IDI2: variants seen among roughly 807,000 people sequenced by gnomAD.
IDI2 encodes the protein isopentenyl-diphosphate delta isomerase 2.
Under a neutral mutation model 14.8 loss-of-function variants are expected in IDI2, and 18 were observed. That is an observed-to-expected ratio of 1.22 (90% confidence interval 0.84 to 1.80). IDI2 has a LOEUF of 1.80. Ranked by LOEUF, IDI2 falls within the 40% of genes most tolerant of loss-of-function variation. The pLI, the probability that IDI2 is intolerant of heterozygous loss-of-function variation, is 0.00. For missense variants in IDI2, 316 were observed against 283.2 expected, an observed-to-expected ratio of 1.12 and a Z score of -0.83; for synonymous variants, 133 against 109.6, an observed-to-expected ratio of 1.21 and a Z score of -1.33.
rs140153834 is a variant in IDI2, at chr10:1,018,939, G to C, written c.*578C>G. ...AAAGCAAGTATGTCTTTATTTGTAA[G>C]CATATTACTGAAACGATCAAATGAA... On this transcript the variant is annotated 3_prime_UTR_variant, in exon 5 of 5. Coordinates refer to ENST00000277517, the MANE Select transcript of IDI2 (RefSeq NM_033261.3). The C allele has an allele frequency of 2.6e-5, 4 of 152,556 alleles. No individual in the cohort carries two copies. Among genetic ancestry groups the C allele is most frequent in the Non-Finnish European group, 5.9e-5 (4 of 68,304 alleles). 9.5% of individuals were successfully genotyped at this position (152,556 alleles called of 1,614,324 possible).
intron 3 of IDI2, among the ~76,000 whole-genome samples, chr10:1,022,126 G>T (rs901467337): frequency 1.3e-5 from 2 of 152,120 alleles, no homozygotes; most frequent in African/African-American, 4.8e-5. Flanking sequence ...GGGTGTGGTG[G>T]CGGGCGCCTG....
At chr10:1,020,537 C>T (rs1832073606) in intron 4 of IDI2, among the ~76,000 whole-genome samples, 1 of 152,154 alleles carries the variant, frequency 6.6e-6, no homozygotes, top group South Asian at 2.1e-4. Context: ...ACAGTCTCAA[C>T]CCTGCCTGGG....
rs760312067 is a variant in IDI2, at chr10:1,019,485, A to C, written c.*32T>G. 6.4e-7 allele frequency: 1 copy of C among 1,573,096 alleles called. No homozygotes were observed. Among genetic ancestry groups the C allele is most frequent in the Non-Finnish European group, 8.7e-7 (1 of 1,153,808 alleles). ...TGGTGCGTCTGCCTGCACTGAGGGC[A>C]TTACACATGGCTGACTCGACCTCCC... On this transcript the variant is annotated 3_prime_UTR_variant, in exon 5 of 5. Coordinates refer to ENST00000277517, the MANE Select transcript of IDI2 (RefSeq NM_033261.3).
chr10:1,020,131 G>A (rs1054687556), intron 4 of IDI2, among the ~76,000 whole-genome samples: 5 of 152,176 alleles, frequency 3.3e-5, no homozygotes, highest in Non-Finnish European at 7.3e-5. Flanking sequence ...GCGTTGTCAG[G>A]AGAACATCCA....
intron 4 of IDI2, 116 bp from the exon 5 acceptor site, chr10:1,019,950 A>G (rs1033557129): frequency 8.3e-6 from 7 of 844,580 alleles, no homozygotes; most frequent in Non-Finnish European, 1.3e-5. Context: ...TTTCTTTGGT[A>G]ATTGATAATT....
intron 3 of IDI2, among the ~76,000 whole-genome samples, chr10:1,021,105 C>T (rs1482860475): frequency 6.6e-6 from 1 of 152,226 alleles, no homozygotes; most frequent in Non-Finnish European, 1.5e-5. Context: ...CACATGACCA[C>T]CTGGCGGGGC....
At chr10:1,021,837 C>T (rs544057235) in intron 3 of IDI2, among the ~76,000 whole-genome samples, 6 of 152,310 alleles carry the variant, frequency 3.9e-5, no homozygotes, top group African/African-American at 9.6e-5. Context: ...GAGAAAACCT[C>T]GGCCACAGCT....
intron 3 of IDI2, among the ~76,000 whole-genome samples, chr10:1,021,915 A>C (rs1832110215): frequency 6.6e-6 from 1 of 152,226 alleles, no homozygotes; most frequent in African/African-American, 2.4e-5. Flanking sequence ...AGGACAGCCT[A>C]GGCCAAAACA....
chr10:1,025,347 C>T (rs983603654), intron 1 of IDI2, among the ~76,000 whole-genome samples: 5 of 152,094 alleles, frequency 3.3e-5, no homozygotes, highest in African/African-American at 1.2e-4. Flanking sequence ...TGAGACCAGC[C>T]TGGCCAACAT....
intron 2 of IDI2, among the ~76,000 whole-genome samples, chr10:1,023,299 C>A (rs1267982777): frequency 2.0e-5 from 3 of 152,002 alleles, no homozygotes; most frequent in Admixed American, 2.0e-4. Flanking sequence ...CATGGTGAAA[C>A]CCCGTCTCTA....
intron 4 of IDI2, 127 bp from the exon 5 acceptor site, chr10:1,019,961 T>A (rs991964587): frequency 7.7e-6 from 6 of 774,386 alleles, no homozygotes; most frequent in South Asian, 1.8e-5. Context: ...ATTGATAATT[T>A]CCAAAACCTC....
chr10:1,025,563 T>G (rs1049117310), intron 1 of IDI2, among the ~76,000 whole-genome samples: 5 of 151,808 alleles, frequency 3.3e-5, no homozygotes, highest in African/African-American at 1.2e-4. Flanking sequence ...AAAAAAATGT[T>G]TTCAGGGTCA....
rs201066206 is a variant in IDI2, at chr10:1,021,715, G to T, written c.236-818C>A. On this transcript the variant is annotated intron_variant, in intron 3 of 4. Transcript: ENST00000277517. ...CCTGAATTTTTCTGAAACAAACTTT[G>T]CATTCAGCTCCATCAAGGAGCCCGT... 2.8e-4 allele frequency among the ~76,000 whole-genome samples: 42 copies of T among 152,302 alleles called. No homozygotes were observed. The East Asian group carries it at 8.1e-3, about 29-fold the overall frequency.
At position 1,019,844 on chromosome 10, in the gene IDI2, GA is replaced by G; in HGVS notation, c.367-11del. 6.2e-7 allele frequency: 1 copy of G among 1,600,916 alleles called. No homozygotes were observed. The highest frequency in any genetic ancestry group is 2.2e-5 in the East Asian group (1 of 44,798). On this transcript the variant is annotated splice_polypyrimidine_tract_variant and intron_variant, in intron 4 of 4. Transcript: ENST00000277517. Reference sequence around the variant, plus strand: ...TGTCCTCTGGAGAAATCTATTGACAGAAATTGGTGCAGTGTTAACAACGCTA... The same window carrying G: ...TGTCCTCTGGAGAAATCTATTGACAGAATTGGTGCAGTGTTAACAACGCTA...
chr10:1,021,936 C>T (rs1192121234), intron 3 of IDI2, among the ~76,000 whole-genome samples: 1 of 152,164 alleles, frequency 6.6e-6, no homozygotes, highest in Non-Finnish European at 1.5e-5. Context: ...CTTTAAATGA[C>T]CACAATTGAC....
chr10:1,021,973 T>G (rs888690016), intron 3 of IDI2, among the ~76,000 whole-genome samples: 3 of 152,082 alleles, frequency 2.0e-5, no homozygotes, highest in Admixed American at 1.3e-4. Flanking sequence ...TCTAAAAAAT[T>G]TTTTGGCCGG....
At position 1,019,756 on chromosome 10, in the gene IDI2, T is replaced by G. The variant is rs750878157; in HGVS notation, c.445A>C (p.Ile149Leu). The G allele has an allele frequency of 6.2e-7, 1 of 1,613,882 alleles. No homozygotes were observed. The highest frequency in any genetic ancestry group is 2.2e-5 in the East Asian group (1 of 44,864). Reference sequence around the variant, plus strand: ...TTCCTCACAAGCAGAAGGTAACAAATTTCATGCTCTCCCCAAATTCTGTCT... The same window carrying G: ...TTCCTCACAAGCAGAAGGTAACAAAGTTCATGCTCTCCCCAAATTCTGTCT... ...KSDRIWGEHE[I>L]CYLLLVRKNV... Residue 149 changes from isoleucine (I) to leucine (L), a missense_variant, in exon 5 of 5, where the codon ATT becomes CTT. By Grantham distance (5) the Ile-to-Leu change is conservative. Coordinates refer to ENST00000277517, the MANE Select transcript of IDI2 (RefSeq NM_033261.3).
intron 4 of IDI2, 116 bp downstream of exon 4, chr10:1,020,651 T>C: frequency 9.3e-7 from 1 of 1,070,262 alleles, no homozygotes; most frequent in Non-Finnish European, 1.3e-6. Context: ...CCATCCTTCA[T>C]CCTCATGGTG....
At chr10:1,024,880 T>A (rs1394729028) in intron 1 of IDI2, 136 bp from the exon 2 acceptor site, 2 of 779,150 alleles carry the variant, frequency 2.6e-6, no homozygotes, top group Admixed American at 5.3e-5. Flanking sequence ...AGCAGCACAG[T>A]TCTGAGATAT....
Sources: allele counts gnomAD v4.1 joint callset (sites outside exome capture counted in the v4.1 genomes callset), GRCh38; gene constraint gnomAD v4.1.1; transcripts MANE v1.5; gene names NCBI Gene and HGNC (gene_info 2026-07-23, HGNC 2026-07-21).